Variants in ARHGAP39 observed in about 807,000 individuals in gnomAD.
The protein encoded by ARHGAP39 is Rho GTPase activating protein 39, also known as rho GTPase-activating protein 39.
ARHGAP39 carries 44 observed loss-of-function variants against 106.9 expected under a neutral mutation model. The observed-to-expected ratio is 0.41, with a 90% confidence interval of 0.32 to 0.53. The LOEUF (loss-of-function observed/expected upper bound fraction) is 0.53. Among genes scored for constraint, ARHGAP39 ranks in the 20% least tolerant of loss-of-function variants. The pLI is 0.21. For synonymous variants in ARHGAP39, 768 were observed against 693.2 expected (o/e 1.11, Z -1.69); for missense variants, 1,496 against 1,577.3 (o/e 0.95, Z 0.87).
At chr8:144,610,802 G>A (rs118159750) in intron 1 of ARHGAP39, among the ~76,000 whole-genome samples, 3,788 of 152,136 alleles carry the variant, frequency 0.025, 90 homozygotes, top group Admixed American at 0.065. Flanking sequence ...TTGATATGCT[G>A]TATTTTCATT....
At chr8:144,607,802 C>T (rs1820349286) in intron 1 of ARHGAP39, among the ~76,000 whole-genome samples, 2 of 152,212 alleles carry the variant, frequency 1.3e-5, no homozygotes. Context: ...CTTTCCGCCA[C>T]TCAAATCTCC....
Position 144,560,305 on chromosome 8 carries a change from C to T in ARHGAP39, c.513-4662G>A, listed in dbSNP as rs995596380. Among the ~76,000 whole-genome samples, 7 of 152,080 alleles carry T rather than the reference C, an allele frequency of 4.6e-5. No individual in the cohort carries two copies. In the East Asian group the frequency reaches 5.8e-4, roughly 13 times the overall value. On this transcript the variant is annotated intron_variant, in intron 3 of 11. Transcript: ENST00000377307. ...CAATAAGTAGCCGGGTGTGGTGGCG[C>T]GTGCCTATAATCCCAGCTACTTGGG...
chr8:144,592,064 C>A (rs1320797363), intron 2 of ARHGAP39, among the ~76,000 whole-genome samples: 1 of 152,194 alleles, frequency 6.6e-6, no homozygotes, highest in Non-Finnish European at 1.5e-5. Context: ...ACATTCTATG[C>A]CCTAAAAGAA....
chr8:144,592,596 C>T (rs1199901189), intron 2 of ARHGAP39, among the ~76,000 whole-genome samples: 1 of 141,180 alleles, frequency 7.1e-6, no homozygotes, highest in Admixed American at 7.0e-5. Flanking sequence ...GAGCCCAGAC[C>T]CTCGGGAAAC....
At chr8:144,539,637 G>T (rs1399884061) in intron 6 of ARHGAP39, among the ~76,000 whole-genome samples, 1 of 152,086 alleles carries the variant, frequency 6.6e-6, no homozygotes, top group Admixed American at 6.5e-5. Context: ...TTGGATATCC[G>T]GTTTTCCCAG....
intron 2 of ARHGAP39, among the ~76,000 whole-genome samples, chr8:144,600,298 G>A (rs1819809677): frequency 6.6e-6 from 1 of 151,742 alleles, no homozygotes; most frequent in Non-Finnish European, 1.5e-5. Flanking sequence ...ACCTGCGTGT[G>A]CGTGTGCATG....
intron 1 of ARHGAP39, among the ~76,000 whole-genome samples, chr8:144,608,064 G>A (rs1054279406): frequency 2.7e-5 from 4 of 150,284 alleles, no homozygotes; most frequent in Admixed American, 2.0e-4. Context: ...GGCTGAGGCA[G>A]GAGAATCACC....
intron 1 of ARHGAP39, among the ~76,000 whole-genome samples, chr8:144,638,801 A>G (rs1262967265): frequency 1.3e-5 from 2 of 152,190 alleles, no homozygotes; most frequent in African/African-American, 4.8e-5. Context: ...CACTGCCGAC[A>G]TGGAATCTGG....
intron 1 of ARHGAP39, among the ~76,000 whole-genome samples, chr8:144,676,092 G>C (rs1390421089): frequency 2.6e-5 from 4 of 152,220 alleles, no homozygotes; most frequent in Admixed American, 6.5e-5. Context: ...GCACCAGCAA[G>C]ATTTAGTGCG....
intron 2 of ARHGAP39, among the ~76,000 whole-genome samples, chr8:144,600,962 G>C (rs1161163282): frequency 2.0e-5 from 3 of 148,812 alleles, no homozygotes; most frequent in African/African-American, 5.0e-5. Flanking sequence ...TCGTATACCT[G>C]TGTGCATGTG....
rs898295953 is a variant in ARHGAP39 at position 144,530,680 on chromosome 8, G to A, written c.3150+22C>T. ...CGGGGCGGGGAGGGGAAAGCAGCGG[G>A]GACCCCCGGGGAGGGAAGTACCTGC... On this transcript the variant is annotated intron_variant, in intron 11 of 11. Transcript: ENST00000377307. 3.2e-6 allele frequency: 5 copies of A among 1,562,296 alleles called. No individual in the cohort carries two copies. The South Asian group carries it at 4.7e-5, about 15-fold the overall frequency.
In ARHGAP39 at chr8:144,586,566, ACAGCCTCAGGAG is replaced by A. The variant is rs1452435281; in HGVS notation, c.81-5301_81-5290del. 2 of 152,290 alleles carry A rather than the reference ACAGCCTCAGGAG, an allele frequency of 1.3e-5. No homozygotes were observed. The highest frequency in any genetic ancestry group is 2.9e-5 in the Non-Finnish European group (2 of 68,078). The allele number at this position is 152,290 out of a possible 1,614,324, so 9.4% of individuals were successfully genotyped here. Reference sequence around the variant, plus strand: ...CCCAGGCTCCCCTGAGCCATTAGTGACAGCCTCAGGAGCAGCCTCGGAGTGTGACTCCTTCAC... The same window carrying A: ...CCCAGGCTCCCCTGAGCCATTAGTGACAGCCTCGGAGTGTGACTCCTTCAC... On this transcript the variant is annotated intron_variant, in intron 2 of 11. Transcript: ENST00000377307. The surrounding 1 kb of genome is among the most constrained non-coding windows in gnomAD (Gnocchi z 4.2).
the ARHGAP39 span, chr8:144,698,880 C>T: frequency 2.9e-5 from 13 of 455,910 alleles, no homozygotes; most frequent in African/African-American, 2.6e-4. Flanking sequence ...ACAAGGCCAC[C>T]CCTCCCTTGG....
At chr8:144,672,191 G>A (rs1822117824) in intron 1 of ARHGAP39, among the ~76,000 whole-genome samples, 1 of 152,228 alleles carries the variant, frequency 6.6e-6, no homozygotes, top group Non-Finnish European at 1.5e-5. Flanking sequence ...TTCAGAAGCT[G>A]CTCCCCTTTA....
chr8:144,654,568 T>A (rs562684381), intron 1 of ARHGAP39, among the ~76,000 whole-genome samples: 10 of 152,294 alleles, frequency 6.6e-5, no homozygotes, highest in African/African-American at 2.4e-4. Context: ...GGCCTGCTGC[T>A]GCCATCACGC....
In ARHGAP39 at chr8:144,671,367, G is replaced by C. The variant is rs1822096137; in HGVS notation, c.-82+14319C>G. ...AAAGAAATGAACGAATAAAGCTGGAGTTAGAAAGAAGCTATTGCCAACCCT... is the reference window on the plus strand; with the variant it reads ...AAAGAAATGAACGAATAAAGCTGGACTTAGAAAGAAGCTATTGCCAACCCT... On this transcript the variant is annotated intron_variant, in intron 1 of 11. Coordinates refer to ENST00000377307, the MANE Select transcript of ARHGAP39 (RefSeq NM_025251.3). The surrounding 1 kb of genome is among the most constrained non-coding windows in gnomAD (Gnocchi z 4.5). Among the ~76,000 whole-genome samples, 1 of 152,244 alleles carries C rather than the reference G, an allele frequency of 6.6e-6. No homozygotes were observed. The highest frequency in any genetic ancestry group is 1.5e-5 in the Non-Finnish European group (1 of 68,040).
chr8:144,582,213 G>A (rs886449429), intron 2 of ARHGAP39, among the ~76,000 whole-genome samples: 2 of 152,220 alleles, frequency 1.3e-5, no homozygotes, highest in Non-Finnish European at 2.9e-5. Flanking sequence ...GCTGCCTGCG[G>A]CTCCCCCAGG....
chr8:144,575,936 A>G (rs112683203), intron 3 of ARHGAP39, among the ~76,000 whole-genome samples: 1 of 152,196 alleles, frequency 6.6e-6, no homozygotes, highest in African/African-American at 2.4e-5. Flanking sequence ...ACTCTCATAT[A>G]TGCAGTGTGC....
chr8:144,616,901 T>C (rs894780710), intron 1 of ARHGAP39, among the ~76,000 whole-genome samples: 1 of 152,190 alleles, frequency 6.6e-6, no homozygotes, highest in Non-Finnish European at 1.5e-5. Context: ...GCCCAGTGAA[T>C]CAACAAACAC....
Sources: allele counts gnomAD v4.1 joint callset (sites outside exome capture counted in the v4.1 genomes callset), GRCh38; gene constraint gnomAD v4.1.1; non-coding constraint Gnocchi (gnomAD v3.1); transcripts MANE v1.5; gene names NCBI Gene and HGNC (gene_info 2026-07-23, HGNC 2026-07-21).